Variants in CEP70 observed in about 807,000 individuals in gnomAD.
The protein encoded by CEP70 is centrosomal protein of 70 kDa.
CEP70 carries 70 observed loss-of-function variants against 90.9 expected under a neutral mutation model. That is an observed-to-expected ratio of 0.77 (90% CI 0.64 to 0.94). CEP70 has a LOEUF of 0.94. CEP70 is among the 40% of genes least tolerant of loss of function. The pLI is 0.00. For missense variants in CEP70, 648 were observed against 669.0 expected (o/e 0.97, Z 0.35); for synonymous variants, 220 against 228.3 (o/e 0.96, Z 0.33).
rs372243600 is a variant in CEP70, at chr3:138,498,077, A to G, written c.1686T>C (p.Phe562=). 29 of 1,613,360 alleles carry G rather than the reference A, an allele frequency of 1.8e-5. No individual in the cohort carries two copies. The East Asian group carries it at 5.6e-4, about 31-fold the overall frequency. The part of the protein sequence containing the change: ...IIYKLEEHEE[F]FPAFQAFTND... ...TAGTAAATGCCTGAAATGCTGGGAA[A>G]AATTCCTCGTGTTCTTCCAATTTGT... Residue 562 remains phenylalanine (F), a synonymous_variant, in exon 17 of 18, where the codon TTT becomes TTC. Coordinates refer to ENST00000264982, the MANE Select transcript of CEP70 (RefSeq NM_024491.4).
chr3:138,548,208 A>T (rs947559018), intron 6 of CEP70, among the ~76,000 whole-genome samples: 4 of 152,360 alleles, frequency 2.6e-5, no homozygotes, highest in Non-Finnish European at 2.9e-5. Flanking sequence ...GAATGCAAAG[A>T]TGGCTCAACA....
chr3:138,573,096 TTCTTAGATAGCTGA>T (rs1459461107), intron 2 of CEP70, 164 bp from the exon 3 acceptor site: 1 of 596,860 alleles, frequency 1.7e-6, no homozygotes, highest in Non-Finnish European at 3.0e-6. Context: ...ACTTTGTGAC[TTCTTAGATAGCTGA>T]TTGTAAGACT....
chr3:138,560,643 C>T (rs1448029890), intron 6 of CEP70, among the ~76,000 whole-genome samples: 3 of 152,084 alleles, frequency 2.0e-5, no homozygotes, highest in African/African-American at 2.4e-5. Context: ...TCACTGCCAG[C>T]GCAGCAGTCT....
intron 7 of CEP70, 188 bp downstream of exon 7, chr3:138,536,990 G>A (rs1576709549): frequency 1.2e-5 from 4 of 344,772 alleles, no homozygotes; most frequent in South Asian, 1.4e-4. Flanking sequence ...TTCTTCAAAG[G>A]ACCTCTAGAA....
chr3:138,593,371 C>T (rs2042483278), intron 1 of CEP70, among the ~76,000 whole-genome samples: 1 of 151,546 alleles, frequency 6.6e-6, no homozygotes. Flanking sequence ...TACAGGCGCA[C>T]ACCACCATGC....
chr3:138,585,033 A>G (rs2042043790), intron 2 of CEP70, among the ~76,000 whole-genome samples: 1 of 152,150 alleles, frequency 6.6e-6, no homozygotes, highest in Non-Finnish European at 1.5e-5. Context: ...ATGAAAAAGG[A>G]CTGGAATTGC....
chr3:138,529,854 C>T (rs1173208370), intron 8 of CEP70, among the ~76,000 whole-genome samples: 1 of 152,146 alleles, frequency 6.6e-6, no homozygotes. Flanking sequence ...CCTTCTAGTA[C>T]ATTTAGGTCA....
In CEP70 at chr3:138,544,509, G is replaced by GTGTATGTATGTA. The variant is rs34978232; in HGVS notation, c.466-7174_466-7163dup. On this transcript the variant is annotated intron_variant, in intron 6 of 17. Transcript: ENST00000264982. ...TGATCCAGCAAACCCACTACAGAGT[G>GTGTATGTATGTA]TGTATGTATGTATGTATGTATGTAT... 2.6e-3 allele frequency among the ~76,000 whole-genome samples: 391 copies of GTGTATGTATGTA among 149,086 alleles called. 3 individuals are homozygous for GTGTATGTATGTA. Among genetic ancestry groups the GTGTATGTATGTA allele is most frequent in the African/African-American group, 8.0e-3 (319 of 40,020 alleles).
intron 2 of CEP70, among the ~76,000 whole-genome samples, chr3:138,589,158 T>C (rs962565951): frequency 1.3e-5 from 2 of 152,180 alleles, no homozygotes; most frequent in Non-Finnish European, 2.9e-5. Context: ...GGTGTATATG[T>C]AAGTCAAAAC....
intron 2 of CEP70, among the ~76,000 whole-genome samples, chr3:138,574,624 G>C (rs182829251): frequency 3.3e-5 from 5 of 152,176 alleles, no homozygotes; most frequent in African/African-American, 9.7e-5. Context: ...CTCTGAGAAC[G>C]GACAGACTGC....
intron 8 of CEP70, among the ~76,000 whole-genome samples, 172 bp downstream of exon 8, chr3:138,532,342 C>T (rs532067586): frequency 2.0e-5 from 3 of 152,230 alleles, no homozygotes; most frequent in Admixed American, 1.3e-4. Context: ...TACAACAATA[C>T]ATCTTGACTT....
intron 6 of CEP70, among the ~76,000 whole-genome samples, chr3:138,561,447 A>G (rs1408738820): frequency 1.3e-5 from 2 of 152,180 alleles, no homozygotes; most frequent in Non-Finnish European, 2.9e-5. Context: ...AAACCAGCAC[A>G]AAAAGGTTGA....
intron 16 of CEP70, among the ~76,000 whole-genome samples, chr3:138,498,394 G>A (rs2034145468): frequency 6.8e-6 from 1 of 147,698 alleles, no homozygotes. Flanking sequence ...CTGGAGTGCA[G>A]TGGCGCTGTC....
intron 6 of CEP70, among the ~76,000 whole-genome samples, chr3:138,540,697 A>G (rs781384949): frequency 6.6e-6 from 1 of 152,224 alleles, no homozygotes; most frequent in Non-Finnish European, 1.5e-5. Context: ...AATTCCTCAA[A>G]GAGCTAAAAG....
chr3:138,522,812 C>A (rs914530329), intron 11 of CEP70, among the ~76,000 whole-genome samples: 1 of 152,184 alleles, frequency 6.6e-6, no homozygotes, highest in Non-Finnish European at 1.5e-5. Context: ...GGAGCTGGTA[C>A]CATTCCTTCT....
At chr3:138,568,773 GT>G (rs2040956139) in intron 6 of CEP70, among the ~76,000 whole-genome samples, 1 of 152,058 alleles carries the variant, frequency 6.6e-6, no homozygotes, top group Non-Finnish European at 1.5e-5. Flanking sequence ...GAAGTCAGGA[GT>G]TCAAGACCAG....
intron 6 of CEP70, among the ~76,000 whole-genome samples, chr3:138,543,487 A>G (rs990826783): frequency 1.3e-5 from 2 of 152,204 alleles, no homozygotes; most frequent in African/African-American, 4.8e-5. Flanking sequence ...AGTACTTCCA[A>G]GCCTGAGGGG....
intron 14 of CEP70, 25 bp from the exon 15 acceptor site, chr3:138,500,592 A>C: frequency 6.4e-7 from 1 of 1,564,542 alleles, no homozygotes; most frequent in Non-Finnish European, 8.6e-7. Flanking sequence ...GGTAAAAAAG[A>C]AAGAGTTCAT....
At chr3:138,538,563 A>G (rs1163272328) in intron 6 of CEP70, among the ~76,000 whole-genome samples, 2 of 152,208 alleles carry the variant, frequency 1.3e-5, no homozygotes, top group Non-Finnish European at 1.5e-5. Flanking sequence ...CAAGCCAGAC[A>G]GTGAAAACTG....
Sources: allele counts gnomAD v4.1 joint callset (sites outside exome capture counted in the v4.1 genomes callset), GRCh38; gene constraint gnomAD v4.1.1; transcripts MANE v1.5; gene names NCBI Gene and HGNC (gene_info 2026-07-23, HGNC 2026-07-21).